The following UBTD1 variants were observed in gnomAD, a reference collection of about 807,000 sequenced individuals.
UBTD1 encodes ubiquitin domain-containing protein 1.
UBTD1 carries 19 observed loss-of-function variants against 21.7 expected under a neutral mutation model. That is an observed-to-expected ratio of 0.87 (90% CI 0.61 to 1.28). The LOEUF (loss-of-function observed/expected upper bound fraction) is 1.28. UBTD1 is among the 50% of genes most tolerant of loss of function. UBTD1 has a pLI of 0.00. For synonymous variants in UBTD1, 116 were observed against 135.1 expected (o/e 0.86, Z 0.98); for missense variants, 282 against 315.1 (o/e 0.89, Z 0.80).
chr10:97,520,441 A>G (rs1031648615), intron 1 of UBTD1, among the ~76,000 whole-genome samples: 2 of 152,188 alleles, frequency 1.3e-5, no homozygotes, highest in African/African-American at 2.4e-5. Flanking sequence ...AGCAAAATAG[A>G]TACGGTCCTT....
At chr10:97,552,736 A>C (rs200408425) in intron 1 of UBTD1, among the ~76,000 whole-genome samples, 1 of 152,158 alleles carries the variant, frequency 6.6e-6, no homozygotes, top group Non-Finnish European at 1.5e-5. Context: ...AAGCTGGAGC[A>C]CTGTGCGCTT....
At chr10:97,549,920 C>T (rs1365718759) in intron 1 of UBTD1, among the ~76,000 whole-genome samples, 2 of 152,348 alleles carry the variant, frequency 1.3e-5, no homozygotes, top group Non-Finnish European at 2.9e-5. Context: ...CCCCCTGGCT[C>T]CCCCCTCCCC....
intron 1 of UBTD1, among the ~76,000 whole-genome samples, chr10:97,523,080 G>A (rs1374874466): frequency 2.0e-5 from 3 of 152,050 alleles, no homozygotes; most frequent in Admixed American, 6.6e-5. Context: ...CTTCCTCTTC[G>A]GGCTGTGCAC....
At chr10:97,554,628 G>A (rs2040655631) in intron 1 of UBTD1, among the ~76,000 whole-genome samples, 1 of 152,096 alleles carries the variant, frequency 6.6e-6, no homozygotes, top group Non-Finnish European at 1.5e-5. Flanking sequence ...ATAGTTCACT[G>A]CAGCCTTGAC....
chr10:97,528,471 G>A (rs2040504749), intron 1 of UBTD1, among the ~76,000 whole-genome samples: 1 of 78,202 alleles, frequency 1.3e-5, no homozygotes, highest in Admixed American at 1.2e-4. Context: ...CAGTAGGGGC[G>A]GCCGGGCAGA....
At position 97,569,535 on chromosome 10, in the gene UBTD1, G is replaced by T. The variant is rs192351741; in HGVS notation, c.299-603G>T. Reference sequence around the variant, plus strand: ...CCTGGTCATCAGGCTGTCCTAGGGAGATCTGACTGTGGGGTGGCCATGGCA... The same window carrying T: ...CCTGGTCATCAGGCTGTCCTAGGGATATCTGACTGTGGGGTGGCCATGGCA... On this transcript the variant is annotated intron_variant, in intron 2 of 2. Coordinates refer to ENST00000370664, the MANE Select transcript of UBTD1 (RefSeq NM_024954.5). Among the ~76,000 whole-genome samples the T allele has an allele frequency of 1.6e-3, 242 of 152,364 alleles. 1 individual carries two copies. The highest frequency in any genetic ancestry group is 5.7e-3 in the African/African-American group (235 of 41,586).
In UBTD1 at chr10:97,533,488, C is replaced by T. The variant is rs188204515; in HGVS notation, c.70+34215C>T. Among the ~76,000 whole-genome samples the T allele has an allele frequency of 3.8e-3, 576 of 152,262 alleles. 3 individuals carry two copies. Among genetic ancestry groups the T allele is most frequent in the Non-Finnish European group, 4.1e-3 (281 of 68,012 alleles). On this transcript the variant is annotated intron_variant, in intron 1 of 2. Transcript: ENST00000370664. ...CGCCATAGCGGGTGGGAGAAGGGTACGAGGAGGCTGCTCTTGCCTGGCCTT... is the reference window on the plus strand; with the variant it reads ...CGCCATAGCGGGTGGGAGAAGGGTATGAGGAGGCTGCTCTTGCCTGGCCTT...
chr10:97,566,286 T>TTA (rs2040716742), intron 1 of UBTD1, among the ~76,000 whole-genome samples: 1 of 137,790 alleles, frequency 7.3e-6, no homozygotes, highest in Admixed American at 7.3e-5. Context: ...TTTTTTTTTT[T>TTA]AAAACTATTA....
chr10:97,510,513 A>C (rs2040419194), intron 1 of UBTD1, among the ~76,000 whole-genome samples: 1 of 152,224 alleles, frequency 6.6e-6, no homozygotes. Flanking sequence ...TGTCATAAGA[A>C]TTAGATGAAT....
intron 1 of UBTD1, among the ~76,000 whole-genome samples, chr10:97,545,516 T>C (rs1299885287): frequency 7.9e-5 from 12 of 152,044 alleles, no homozygotes. Context: ...ATTTGTTCTG[T>C]GTAATAATAT....
At chr10:97,538,108 CAGCCA>C (rs1325974167) in intron 1 of UBTD1, among the ~76,000 whole-genome samples, 1 of 152,076 alleles carries the variant, frequency 6.6e-6, no homozygotes, top group Non-Finnish European at 1.5e-5. Context: ...TTACAGGCAC[CAGCCA>C]CCATGCTCAG....
At chr10:97,525,199 T>C (rs889365118) in intron 1 of UBTD1, among the ~76,000 whole-genome samples, 5 of 152,220 alleles carry the variant, frequency 3.3e-5, no homozygotes, top group African/African-American at 1.2e-4. Flanking sequence ...AAGAAGGCAA[T>C]TTCTGCCTTT....
intron 1 of UBTD1, among the ~76,000 whole-genome samples, chr10:97,551,026 C>T (rs2040634538): frequency 6.6e-6 from 1 of 152,192 alleles, no homozygotes; most frequent in African/African-American, 2.4e-5. Flanking sequence ...CATGCCATTT[C>T]CACTCCTGTT....
At chr10:97,499,330 GC>G in intron 1 of UBTD1, 57 bp downstream of exon 1, 2 of 1,528,644 alleles carry the variant, frequency 1.3e-6, no homozygotes, top group South Asian at 2.5e-5. Context: ...CCCCCTCCTC[GC>G]CCGAGTCCTG....
At chr10:97,557,336 C>T (rs1425813180) in intron 1 of UBTD1, among the ~76,000 whole-genome samples, 1 of 151,848 alleles carries the variant, frequency 6.6e-6, no homozygotes, top group Non-Finnish European at 1.5e-5. Flanking sequence ...CCATCAATGC[C>T]TAATGTTGCA....
chr10:97,503,787 G>A (rs2040387456), intron 1 of UBTD1, among the ~76,000 whole-genome samples: 1 of 152,152 alleles, frequency 6.6e-6, no homozygotes, highest in Non-Finnish European at 1.5e-5. Context: ...GGGGCAGACA[G>A]TAAACACATA....
At chr10:97,566,192 G>A (rs1166399463) in intron 1 of UBTD1, among the ~76,000 whole-genome samples, 2 of 150,980 alleles carry the variant, frequency 1.3e-5, no homozygotes, top group Non-Finnish European at 1.5e-5. Context: ...TCTATCCAAA[G>A]TCTTTGCAAA....
chr10:97,551,156 C>T (rs2040635502), intron 1 of UBTD1, among the ~76,000 whole-genome samples: 1 of 152,174 alleles, frequency 6.6e-6, no homozygotes, highest in Non-Finnish European at 1.5e-5. Flanking sequence ...ACCAGCACCC[C>T]AGGAGATCCT....
intron 1 of UBTD1, among the ~76,000 whole-genome samples, chr10:97,509,602 C>T (rs936522812): frequency 1.3e-5 from 2 of 152,212 alleles, no homozygotes; most frequent in African/African-American, 4.8e-5. Context: ...CCCTCTGGCT[C>T]ATCCCTTGGA....
Sources: gnomAD v4.1 joint callset for allele counts (sites outside exome capture counted in the v4.1 genomes callset) on GRCh38, gnomAD v4.1.1 for gene constraint, MANE v1.5 for transcripts, NCBI Gene and HGNC (gene_info 2026-07-23, HGNC 2026-07-21) for gene names.